The following RAPGEF2 variants were observed in gnomAD, a reference collection of about 807,000 sequenced individuals.
The protein encoded by RAPGEF2 is PDZ domain containing guanine nucleotide exchange factor (GEF) 1.
A neutral mutation model predicts 186.7 loss-of-function variants in RAPGEF2; 54 were observed. The ratio of observed to expected loss-of-function variants is 0.29; its 90% CI spans 0.23 to 0.36. The LOEUF (loss-of-function observed/expected upper bound fraction) is 0.36, where lower values mean the gene tolerates loss of function less well. Among genes scored for constraint, RAPGEF2 ranks in the 10% least tolerant of loss-of-function variants. The pLI is 1.00. For synonymous variants in RAPGEF2, 712 were observed against 705.9 expected (o/e 1.01, Z -0.14); for missense variants, 1,532 against 2,045.0 (o/e 0.75, Z 4.84).
At chr4:159,348,453 G>T (rs1490782232) in intron 25 of RAPGEF2, among the ~76,000 whole-genome samples, 1 of 152,150 alleles carries the variant, frequency 6.6e-6, no homozygotes, top group Non-Finnish European at 1.5e-5. Context: ...CATCTGATCA[G>T]CAAGTGTCCT....
At chr4:159,135,953 A>G (rs968016173) in intron 1 of RAPGEF2, among the ~76,000 whole-genome samples, 24 of 152,216 alleles carry the variant, frequency 1.6e-4, no homozygotes, top group African/African-American at 5.5e-4. Context: ...CCAAAATAGT[A>G]CAGAGAGTTT....
chr4:159,163,263 T>C (rs1050248361), intron 1 of RAPGEF2, among the ~76,000 whole-genome samples: 3 of 152,212 alleles, frequency 2.0e-5, no homozygotes, highest in African/African-American at 4.8e-5. Flanking sequence ...GTGGCAATTG[T>C]GACAGAATTT....
intron 1 of RAPGEF2, among the ~76,000 whole-genome samples, chr4:159,138,160 A>G (rs1049798113): frequency 6.6e-6 from 1 of 152,192 alleles, no homozygotes; most frequent in South Asian, 2.1e-4. Context: ...GAGATTTTAC[A>G]TTGGTACCAG....
Position 159,103,863 on chromosome 4 carries a change from CGAGGAA to C in RAPGEF2, c.-294_-289del. Reference sequence around the variant, plus strand: ...GGGCCGGAGGAAGCCGGCGGAGCGGCGAGGAAGAGGAGGAGGAGGAGGAAGGGGAGT... The same window carrying C: ...GGGCCGGAGGAAGCCGGCGGAGCGGCGAGGAGGAGGAGGAGGAAGGGGAGT... On this transcript the variant is annotated 5_prime_UTR_variant, in exon 1 of 30. Coordinates refer to ENST00000691494, the MANE Select transcript of RAPGEF2 (RefSeq NM_001394067.2). 6.7e-6 allele frequency: 1 copy of C among 149,474 alleles called. No homozygotes were observed. The highest frequency in any genetic ancestry group is 1.5e-5 in the Non-Finnish European group (1 of 68,620). 9.3% of individuals were successfully genotyped at this position (149,474 alleles called of 1,614,324 possible). A position where few individuals can be genotyped will look rare whatever the true frequency, so the allele number is the denominator to read the frequency against.
intron 3 of RAPGEF2, among the ~76,000 whole-genome samples, chr4:159,194,168 C>T (rs1346368841): frequency 1.3e-5 from 2 of 152,126 alleles, no homozygotes; most frequent in Non-Finnish European, 2.9e-5. Flanking sequence ...GCAGAAGGAA[C>T]AGTATGTGCT....
rs199729615 is a variant in RAPGEF2 at position 159,108,749 on chromosome 4, G to GAT, written c.69+4527_69+4528dup. Among the ~76,000 whole-genome samples, 1,282 of 152,116 alleles carry GAT rather than the reference G, an allele frequency of 8.4e-3. 23 individuals are homozygous for GAT. The highest frequency in any genetic ancestry group is 0.029 in the African/African-American group (1,218 of 41,484). ...TAGACAATGTTTGGTAAGAGAGCGAGATATATATATTTGGAATAGGGTCTT... is the reference window on the plus strand; with the variant it reads ...TAGACAATGTTTGGTAAGAGAGCGAGATATATATATATTTGGAATAGGGTCTT... On this transcript the variant is annotated intron_variant, in intron 1 of 29. Coordinates refer to ENST00000691494, the MANE Select transcript of RAPGEF2 (RefSeq NM_001394067.2).
chr4:159,330,347 G>T lies in RAPGEF2; in HGVS notation c.1316G>T (p.Arg439Met). 6.4e-7 allele frequency: 1 copy of T among 1,574,724 alleles called. No individual in the cohort carries two copies. Among genetic ancestry groups the T allele is most frequent in the South Asian group, 1.2e-5 (1 of 85,718 alleles). Residue 439 changes from arginine (R) to methionine (M), a missense_variant, in exon 13 of 30, where the codon AGG becomes ATG. By Grantham distance (91) the Arg-to-Met change is moderately conservative. Around this residue, in one of 4 missense-constraint regions of RAPGEF2, gnomAD observed 810 missense variants for 1,210.5 expected, o/e 0.67. Transcript: ENST00000691494. The part of the protein sequence containing the change: ...GHIVIKGTSE[R>M]LTMHLVEEHS... ...TCTTTGTTACAGGGTACCTCAGAAA[G>T]GTTAACAATGCATTTGGTGGAAGAG...
At chr4:159,273,691 T>TTTCTTTCC (rs1758476241) in intron 7 of RAPGEF2, among the ~76,000 whole-genome samples, 1 of 148,370 alleles carries the variant, frequency 6.7e-6, no homozygotes, top group African/African-American at 2.5e-5. Flanking sequence ...TCTTTCTTTC[T>TTTCTTTCC]TTCTTTCTTT....
intron 1 of RAPGEF2, among the ~76,000 whole-genome samples, chr4:159,183,662 A>AG (rs1462595167): frequency 3.9e-5 from 6 of 152,252 alleles, no homozygotes; most frequent in African/African-American, 1.4e-4. Context: ...CATCTGAATA[A>AG]GGACCTTCTA....
At chr4:159,190,175 A>G (rs569879044) in intron 2 of RAPGEF2, among the ~76,000 whole-genome samples, 1 of 152,320 alleles carries the variant, frequency 6.6e-6, no homozygotes, top group African/African-American at 2.4e-5. Flanking sequence ...GTAAGTAAGT[A>G]AAATATAACA....
intron 7 of RAPGEF2, among the ~76,000 whole-genome samples, chr4:159,295,767 G>GCA (rs1469502634): frequency 1.3e-5 from 2 of 149,916 alleles, no homozygotes; most frequent in Non-Finnish European, 1.5e-5. Context: ...GCGCGCGCGC[G>GCA]CGCGCGCATG....
At chr4:159,309,997 A>T (rs1249247185) in intron 8 of RAPGEF2, among the ~76,000 whole-genome samples, 1 of 152,198 alleles carries the variant, frequency 6.6e-6, no homozygotes, top group African/African-American at 2.4e-5. Context: ...TTAATAAAGG[A>T]TCAAAACATT....
intron 7 of RAPGEF2, among the ~76,000 whole-genome samples, chr4:159,272,346 T>C (rs1158239247): frequency 1.3e-5 from 2 of 152,238 alleles, no homozygotes; most frequent in Non-Finnish European, 2.9e-5. Context: ...CTTATAAACA[T>C]ACAAGATTGT....
intron 7 of RAPGEF2, among the ~76,000 whole-genome samples, chr4:159,297,739 T>C (rs1391196097): frequency 6.6e-6 from 1 of 152,178 alleles, no homozygotes; most frequent in African/African-American, 2.4e-5. Context: ...TCCACCGAAT[T>C]TGAAAAATAT....
At chr4:159,153,804 C>T (rs1307113027) in intron 1 of RAPGEF2, among the ~76,000 whole-genome samples, 1 of 152,088 alleles carries the variant, frequency 6.6e-6, no homozygotes, top group South Asian at 2.1e-4. Flanking sequence ...TGTTCAGAGA[C>T]GGGTACTCTG....
At chr4:159,211,391 A>G (rs1750512895) in intron 4 of RAPGEF2, among the ~76,000 whole-genome samples, 1 of 152,096 alleles carries the variant, frequency 6.6e-6, no homozygotes, top group Non-Finnish European at 1.5e-5. Context: ...AATTTTTACT[A>G]AAGGTTTTAA....
At chr4:159,158,229 A>G (rs763837643) in intron 1 of RAPGEF2, among the ~76,000 whole-genome samples, 9 of 152,200 alleles carry the variant, frequency 5.9e-5, no homozygotes, top group Admixed American at 6.5e-5. Context: ...CCAACCAGCA[A>G]TAAATTCCAG....
At chr4:159,112,146 A>G (rs1222094420) in intron 1 of RAPGEF2, among the ~76,000 whole-genome samples, 2 of 152,200 alleles carry the variant, frequency 1.3e-5, no homozygotes. Flanking sequence ...TTTGGTTAAA[A>G]TGAATTTCTG....
chr4:159,114,494 C>A (rs1004103604), intron 1 of RAPGEF2, among the ~76,000 whole-genome samples: 2 of 152,178 alleles, frequency 1.3e-5, no homozygotes, highest in African/African-American at 4.8e-5. Context: ...CTCTCGGCCT[C>A]CCAAAGTGCT....
Sources: allele counts gnomAD v4.1 joint callset (sites outside exome capture counted in the v4.1 genomes callset), GRCh38; gene constraint gnomAD v4.1.1; regional missense constraint gnomAD v4.1.1; transcripts MANE v1.5; gene names NCBI Gene and HGNC (gene_info 2026-07-23, HGNC 2026-07-21).